Variants in GRM7 observed in about 807,000 individuals in gnomAD.
GRM7 encodes the protein metabotropic glutamate receptor 7.
GRM7 carries 35 observed loss-of-function variants against 84.5 expected under a neutral mutation model. The observed-to-expected ratio is 0.41, with a 90% CI of 0.32 to 0.55. GRM7 has a LOEUF of 0.55. Among genes scored for constraint, GRM7 ranks in the 20% least tolerant of loss-of-function variants. The pLI, the probability that GRM7 is intolerant of heterozygous loss-of-function variation, is 0.19. For missense variants in GRM7, 1,003 were observed against 1,194.6 expected (o/e 0.84, Z 2.36); for synonymous variants, 487 against 455.1 (o/e 1.07, Z -0.89).
At chr3:7,061,211 A>G (rs574879621) in intron 1 of GRM7, among the ~76,000 whole-genome samples, 12 of 151,880 alleles carry the variant, frequency 7.9e-5, no homozygotes, top group East Asian at 1.9e-4. Flanking sequence ...ACTTTGTTTT[A>G]TATTGGTTGA....
intron 1 of GRM7, among the ~76,000 whole-genome samples, chr3:7,068,363 G>T (rs960603094): frequency 6.6e-6 from 1 of 151,962 alleles, no homozygotes; most frequent in Non-Finnish European, 1.5e-5. Context: ...GAATCACATC[G>T]ATTTAAACAC....
At chr3:7,460,099 T>TAAAAAAAAAAAAAAAAAAAAA (rs71066013) in intron 6 of GRM7, among the ~76,000 whole-genome samples, 1 of 49,544 alleles carries the variant, frequency 2.0e-5, no homozygotes, top group African/African-American at 9.3e-5. Context: ...CTTAAAATAG[T>TAAAAAAAAAAAAAAAAAAAAA]AAAAAAAAAA....
rs566948545 is a variant in GRM7, at chr3:7,368,102, A to G, written c.1034-46921A>G. Among the ~76,000 whole-genome samples, 229 of 152,166 alleles carry G rather than the reference A, an allele frequency of 1.5e-3. 1 individual carries two copies. Among genetic ancestry groups the G allele is most frequent in the African/African-American group, 5.3e-3 (219 of 41,562 alleles). On this transcript the variant is annotated intron_variant, in intron 4 of 9. Coordinates refer to ENST00000357716, the MANE Select transcript of GRM7 (RefSeq NM_000844.4). The stretch of plus-strand genomic sequence containing the variant: ...TAGAACAAGTGTAAGAGATGCATAT[A>G]AAGTATAAGACCATCACACCTTAGG...
At chr3:6,895,190 G>C (rs1418794772) in intron 1 of GRM7, among the ~76,000 whole-genome samples, 1 of 152,128 alleles carries the variant, frequency 6.6e-6, no homozygotes, top group Non-Finnish European at 1.5e-5. Flanking sequence ...GAAGTCTAAA[G>C]AAAGACTCCA....
chr3:7,191,786 A>AGTT (rs1459083124), intron 2 of GRM7, among the ~76,000 whole-genome samples: 1 of 151,806 alleles, frequency 6.6e-6, no homozygotes, highest in African/African-American at 2.4e-5. Flanking sequence ...CTGGATGAGG[A>AGTT]GTTGTGCTGA....
chr3:7,482,812 GA>G (rs1471264549), intron 7 of GRM7, among the ~76,000 whole-genome samples: 1 of 152,174 alleles, frequency 6.6e-6, no homozygotes, highest in Non-Finnish European at 1.5e-5. Flanking sequence ...GTGTTCTAGG[GA>G]AAGACTAAGG....
chr3:7,512,498 T>G (rs982150876), intron 7 of GRM7, among the ~76,000 whole-genome samples: 1 of 152,136 alleles, frequency 6.6e-6, no homozygotes, highest in Non-Finnish European at 1.5e-5. Flanking sequence ...TTTTCTTCAT[T>G]TTTGAGTTCC....
chr3:7,658,704 A>ATTGTT (rs1011000806), intron 8 of GRM7, among the ~76,000 whole-genome samples: 62 of 152,330 alleles, frequency 4.1e-4, no homozygotes, highest in African/African-American at 1.5e-3. Flanking sequence ...AATCCATACC[A>ATTGTT]TTGTTTATAG....
At chr3:7,187,357 A>T (rs1310319737) in intron 2 of GRM7, among the ~76,000 whole-genome samples, 1 of 152,160 alleles carries the variant, frequency 6.6e-6, no homozygotes, top group East Asian at 1.9e-4. Flanking sequence ...ATGTAACCTT[A>T]TATTATCATC....
At chr3:7,437,239 A>C (rs1697095799) in intron 5 of GRM7, among the ~76,000 whole-genome samples, 1 of 152,188 alleles carries the variant, frequency 6.6e-6, no homozygotes, top group Non-Finnish European at 1.5e-5. Flanking sequence ...CTGTTGTATG[A>C]GTTAAGTGAG....
chr3:7,019,849 G>A (rs1451695350), intron 1 of GRM7, among the ~76,000 whole-genome samples: 1 of 152,104 alleles, frequency 6.6e-6, no homozygotes, highest in Non-Finnish European at 1.5e-5. Context: ...ACCATGAAAG[G>A]CTTCAGAAAA....
intron 9 of GRM7, among the ~76,000 whole-genome samples, chr3:7,690,304 G>A (rs1354405): frequency 0.31 from 46,858 of 151,898 alleles, 7,815 homozygotes; most frequent in East Asian, 0.7. Context: ...AATGAGTAGC[G>A]CACAATACTT....
At chr3:7,422,183 G>A (rs1340380381) in intron 5 of GRM7, among the ~76,000 whole-genome samples, 1 of 152,064 alleles carries the variant, frequency 6.6e-6, no homozygotes, top group East Asian at 1.9e-4. Flanking sequence ...CCTCTCAAGG[G>A]CAGGTAGTAA....
At chr3:7,726,573 A>G (rs1702133949) in intron 9 of GRM7, among the ~76,000 whole-genome samples, 1 of 131,728 alleles carries the variant, frequency 7.6e-6, no homozygotes, top group Non-Finnish European at 1.6e-5. Context: ...ACCACTCACT[A>G]ACATGTTGCC....
At chr3:7,138,000 A>G (rs1026360874) in intron 1 of GRM7, among the ~76,000 whole-genome samples, 2 of 152,110 alleles carry the variant, frequency 1.3e-5, no homozygotes, top group African/African-American at 4.8e-5. Flanking sequence ...ATTTCGTAAG[A>G]CATCCAAGTG....
intron 4 of GRM7, among the ~76,000 whole-genome samples, chr3:7,387,597 A>C (rs888104022): frequency 6.6e-6 from 1 of 152,188 alleles, no homozygotes; most frequent in Non-Finnish European, 1.5e-5. Flanking sequence ...AATTAGTTGT[A>C]GGTGTGCAGC....
At position 7,592,093 on chromosome 3, in the gene GRM7, CAT is replaced by C. The variant is rs200569602; in HGVS notation, c.2451+12747_2451+12748del. ...CTGTATGTATCTATATGAAAATATGCATATATATATATGTGTGTGTAGCTATA... is the reference window on the plus strand; with the variant it reads ...CTGTATGTATCTATATGAAAATATGCATATATATATGTGTGTGTAGCTATA... On this transcript the variant is annotated intron_variant, in intron 8 of 9. Coordinates refer to ENST00000357716, the MANE Select transcript of GRM7 (RefSeq NM_000844.4). 1.5e-3 allele frequency among the ~76,000 whole-genome samples: 232 copies of C among 151,632 alleles called. 1 individual carries two copies. The highest frequency in any genetic ancestry group is 4.9e-3 in the African/African-American group (204 of 41,388).
chr3:7,660,855 G>A (rs78697731), intron 8 of GRM7, among the ~76,000 whole-genome samples: 1,455 of 121,556 alleles, frequency 0.012, 18 homozygotes, highest in Middle Eastern at 0.057. Context: ...AAAGGCAGAA[G>A]GGCAATACAA....
At position 7,004,357 on chromosome 3, in the gene GRM7, G is replaced by A. The variant is rs576848251; in HGVS notation, c.520-142095G>A. ...TGGAAGTATACAAATGAGGTTTGGT[G>A]AAAACAATCTTTTTTATATATTATA... On this transcript the variant is annotated intron_variant, in intron 1 of 9. Coordinates refer to ENST00000357716, the MANE Select transcript of GRM7 (RefSeq NM_000844.4). Among the ~76,000 whole-genome samples, 4 of 152,212 alleles carry A rather than the reference G, an allele frequency of 2.6e-5. No homozygotes were observed. In the South Asian group the frequency reaches 8.3e-4, roughly 32 times the overall value.
Sources: gnomAD v4.1 joint callset for allele counts (sites outside exome capture counted in the v4.1 genomes callset) on GRCh38, gnomAD v4.1.1 for gene constraint, MANE v1.5 for transcripts, NCBI Gene and HGNC (gene_info 2026-07-23, HGNC 2026-07-21) for gene names.